The following RBBP4 variants were observed in gnomAD, a reference collection of about 807,000 sequenced individuals.
RBBP4 encodes the protein histone-binding protein RBBP4.
RBBP4 carries 3 observed loss-of-function variants against 57.2 expected under a neutral mutation model. The ratio of observed to expected loss-of-function variants is 0.05; its 90% CI spans 0.02 to 0.14. The LOEUF is 0.14. Ranked by LOEUF, RBBP4 falls within the 10% of genes least tolerant of loss-of-function variation. The pLI is 1.00. For synonymous variants in RBBP4, 151 were observed against 171.5 expected (o/e 0.88, Z 0.93); for missense variants, 107 against 520.6 (o/e 0.21, Z 7.73).
chr1:32,665,876 C>CT (rs1648622563), intron 3 of RBBP4, among the ~76,000 whole-genome samples: 1 of 152,102 alleles, frequency 6.6e-6, no homozygotes, highest in Non-Finnish European at 1.5e-5. Context: ...TACTTTGGAA[C>CT]TTTTGCAACC....
chr1:32,664,270 G>A (rs1008411364), intron 3 of RBBP4, among the ~76,000 whole-genome samples: 4 of 151,982 alleles, frequency 2.6e-5, no homozygotes, highest in South Asian at 2.1e-4. Context: ...TTTTGAATAC[G>A]CTAAGTTCTT....
chr1:32,676,623 A>AG (rs200398301), intron 11 of RBBP4, among the ~76,000 whole-genome samples: 1,380 of 34,282 alleles, frequency 0.04, 29 homozygotes, highest in African/African-American at 0.057. Context: ...AAAAAAAAAA[A>AG]AAAAAGAAAA....
At position 32,657,411 on chromosome 1, in the gene RBBP4, T is replaced by C; in HGVS notation, c.165-16T>C. ...ATGTTACTAATTTGAACAGTGACTA[T>C]ATATTGCCGTTACAGACCAGAAGGG... is the stretch of plus-strand genomic sequence containing the variant. On this transcript the variant is annotated splice_polypyrimidine_tract_variant and intron_variant, in intron 2 of 11. Transcript: ENST00000373493. 1 of 1,608,992 alleles carries C rather than the reference T, an allele frequency of 6.2e-7. No individual in the cohort carries two copies. The highest frequency in any genetic ancestry group is 8.5e-7 in the Non-Finnish European group (1 of 1,177,424).
chr1:32,653,637 GTTTTTTTTTTTTTT>G lies in RBBP4; in HGVS notation c.164+1585_164+1598del, dbSNP rs1053666893. On this transcript the variant is annotated intron_variant, in intron 2 of 11. Transcript: ENST00000373493. ...TGCTTTGTGTGTTTTTTGTTTTCTG[GTTTTTTTTTTTTTT>G]TTTTTTTTGTTTTTGTTTTTTTTTT... Among the ~76,000 whole-genome samples, 86 of 20,780 alleles carry G rather than the reference GTTTTTTTTTTTTTT, an allele frequency of 4.1e-3. 4 individuals are homozygous for G. Among genetic ancestry groups the G allele is most frequent in the South Asian group, 0.02 (4 of 200 alleles). The allele number at this position is 20,780 out of a possible 152,430, so 13.6% of individuals were successfully genotyped here.
At chr1:32,656,039 A>C (rs76271705) in intron 2 of RBBP4, among the ~76,000 whole-genome samples, 353 of 152,314 alleles carry the variant, frequency 2.3e-3, no homozygotes, top group African/African-American at 8.2e-3. Flanking sequence ...AGAATGCCTT[A>C]AGACGGCATT....
intron 2 of RBBP4, among the ~76,000 whole-genome samples, chr1:32,656,368 T>C (rs1489134952): frequency 6.6e-6 from 1 of 151,962 alleles, no homozygotes; most frequent in Non-Finnish European, 1.5e-5. Flanking sequence ...TTGTTTGTTT[T>C]TTGAGACAGA....
At chr1:32,659,084 G>A (rs921684234) in intron 3 of RBBP4, among the ~76,000 whole-genome samples, 2 of 145,616 alleles carry the variant, frequency 1.4e-5, no homozygotes, top group African/African-American at 5.0e-5. Context: ...AAAACTACAT[G>A]TGTATATATT....
chr1:32,683,928 CG>C lies in RBBP4; in HGVS notation c.*4225del. ...GATTACAGGCGTGAGCCACCCCGTCCGGCCTGTTTTTAAGGCATTAATTAGT... is the reference window on the plus strand; with the variant it reads ...GATTACAGGCGTGAGCCACCCCGTCCGCCTGTTTTTAAGGCATTAATTAGT... On this transcript the variant is annotated 3_prime_UTR_variant, in exon 12 of 12. Transcript: ENST00000373493. 1.4e-6 allele frequency: 2 copies of C among 1,411,972 alleles called. No individual in the cohort carries two copies. The highest frequency in any genetic ancestry group is 2.0e-6 in the Non-Finnish European group (2 of 1,006,864). The allele number at this position is 1,411,972 out of a possible 1,614,324, so 87.5% of individuals were successfully genotyped here. A position where few individuals can be genotyped will look rare whatever the true frequency, so the allele number is the denominator to read the frequency against.
intron 2 of RBBP4, among the ~76,000 whole-genome samples, chr1:32,653,019 TTA>T (rs1197685175): frequency 3.3e-5 from 5 of 152,214 alleles, no homozygotes; most frequent in Non-Finnish European, 7.3e-5. Flanking sequence ...AATGGCTTTC[TTA>T]TAAGGGGTTT....
Position 32,651,239 on chromosome 1 carries a change from G to A in RBBP4, c.-68G>A. ...AATAGAGGCCGCGCGCACAGAGCGAGCTCTTGCAGCCTCCCCGCCCCTCCC... is the reference window on the plus strand; with the variant it reads ...AATAGAGGCCGCGCGCACAGAGCGAACTCTTGCAGCCTCCCCGCCCCTCCC... On this transcript the variant is annotated 5_prime_UTR_variant, in exon 1 of 12. Coordinates refer to ENST00000373493, the MANE Select transcript of RBBP4 (RefSeq NM_005610.3). 6.6e-7 allele frequency: 1 copy of A among 1,506,738 alleles called. No individual in the cohort carries two copies. The highest frequency in any genetic ancestry group is 2.8e-5 in the East Asian group (1 of 35,920). 93.3% of individuals were successfully genotyped at this position (1,506,738 alleles called of 1,614,324 possible). A position where few individuals can be genotyped will look rare whatever the true frequency, so the allele number is the denominator to read the frequency against.
intron 8 of RBBP4, among the ~76,000 whole-genome samples, chr1:32,670,249 A>C (rs1434188532): frequency 6.6e-6 from 1 of 152,180 alleles, no homozygotes; most frequent in Non-Finnish European, 1.5e-5. Context: ...TGTTTCTGAC[A>C]CTTAGTGATC....
chr1:32,668,484 C>T, intron 4 of RBBP4, 86 bp downstream of exon 4: 1 of 1,318,796 alleles, frequency 7.6e-7, no homozygotes, highest in Non-Finnish European at 1.1e-6. Flanking sequence ...GCATGTTACT[C>T]TGTGTAATTT....
Position 32,682,104 on chromosome 1 carries a change from T to A in RBBP4, c.*2399T>A. 2.0e-6 allele frequency: 1 copy of A among 497,592 alleles called. No individual in the cohort carries two copies. The highest frequency in any genetic ancestry group is 3.6e-6 in the Non-Finnish European group (1 of 278,422). 30.8% of individuals were successfully genotyped at this position (497,592 alleles called of 1,614,324 possible). A position where few individuals can be genotyped will look rare whatever the true frequency, so the allele number is the denominator to read the frequency against. On this transcript the variant is annotated 3_prime_UTR_variant, in exon 12 of 12. Coordinates refer to ENST00000373493, the MANE Select transcript of RBBP4 (RefSeq NM_005610.3). Reference sequence around the variant, plus strand: ...GGTATAATTACAATGCCTGAAATTCTGTAGTTTCATTTCTTTGGATTAGTC... The same window carrying A: ...GGTATAATTACAATGCCTGAAATTCAGTAGTTTCATTTCTTTGGATTAGTC...
chr1:32,678,107 C>T (rs1001881054), intron 11 of RBBP4, among the ~76,000 whole-genome samples: 1 of 152,180 alleles, frequency 6.6e-6, no homozygotes, highest in Non-Finnish European at 1.5e-5. Context: ...CAACCATCAA[C>T]CACAGTCAAT....
At chr1:32,677,481 AC>A (rs1404601821) in intron 11 of RBBP4, among the ~76,000 whole-genome samples, 8 of 118,344 alleles carry the variant, frequency 6.8e-5, no homozygotes, top group Admixed American at 3.1e-4. Context: ...AAAAAAAAAA[AC>A]AAAACAAAAA....
chr1:32,671,079 A>G (rs1570862576), intron 8 of RBBP4, among the ~76,000 whole-genome samples: 1 of 152,196 alleles, frequency 6.6e-6, no homozygotes, highest in East Asian at 1.9e-4. Flanking sequence ...ATTTGGTAGC[A>G]AACTCTGATT....
rs1037645389 is a variant in RBBP4 at position 32,669,892 on chromosome 1, AAAAAAAAG to A, written c.966+336_966+343del. Among the ~76,000 whole-genome samples the A allele has an allele frequency of 4.1e-3, 28 of 6,766 alleles. No individual in the cohort carries two copies. In the Non-Finnish European group the frequency reaches 0.049, roughly 12 times the overall value. 4.4% of individuals were successfully genotyped at this position (6,766 alleles called of 152,430 possible). ...GGCGACAGAACGAGAGTCCGTCTCA[AAAAAAAAG>A]AAAAAAGAAAAACCTGGATGTATGA... On this transcript the variant is annotated intron_variant, in intron 8 of 11. Transcript: ENST00000373493. The surrounding 1 kb of genome is among the most constrained non-coding windows in gnomAD (Gnocchi z 4.9).
At chr1:32,653,660 GTTTTTGT>G (rs1648004309) in intron 2 of RBBP4, among the ~76,000 whole-genome samples, 1 of 45,036 alleles carries the variant, frequency 2.2e-5, no homozygotes, top group East Asian at 6.0e-4. Context: ...TTTTTTTTTT[GTTTTTGT>G]TTTTTTTTTT....
At chr1:32,656,014 C>T (rs746181444) in intron 2 of RBBP4, among the ~76,000 whole-genome samples, 16 of 152,232 alleles carry the variant, frequency 1.1e-4, no homozygotes, top group Non-Finnish European at 2.1e-4. Flanking sequence ...ATGCCCTTGA[C>T]CCAGTATGGA....
Sources: allele counts gnomAD v4.1 joint callset (sites outside exome capture counted in the v4.1 genomes callset), GRCh38; gene constraint gnomAD v4.1.1; non-coding constraint Gnocchi (gnomAD v3.1); transcripts MANE v1.5; gene names NCBI Gene and HGNC (gene_info 2026-07-23, HGNC 2026-07-21).